TLR9: variants seen among roughly 807,000 people sequenced by gnomAD.
The protein encoded by TLR9 is toll like receptor 9.
TLR9 carries 19 observed loss-of-function variants against 24.6 expected under a neutral mutation model. The ratio of observed to expected loss-of-function variants is 0.77; its 90% CI spans 0.54 to 1.13. The LOEUF (loss-of-function observed/expected upper bound fraction) is 1.13. Among genes scored for constraint, TLR9 ranks in the 50% most tolerant of loss-of-function variants. The pLI is 0.00. For missense variants in TLR9, 1,065 were observed against 1,379.6 expected, an observed-to-expected ratio of 0.77 and a Z score of 3.61; for synonymous variants, 579 against 609.8, an observed-to-expected ratio of 0.95 and a Z score of 0.74.
In TLR9 at chr3:52,221,650, T is replaced by C; in HGVS notation, c.2666A>G (p.Asn889Ser). The change falls in exon 2 of 2, where the codon AAC becomes AGC. Residue 889 changes from asparagine to serine, a missense_variant. Transcript: ENST00000360658. The surrounding 1 kb of genome is among the most constrained non-coding windows in gnomAD (Gnocchi z 9.9). ...TQSAVADWVY[N>S]ELRGQLEECR... Reference sequence around the variant, plus strand: ...CTCCTCCAGCTGCCCCCGAAGCTCGTTGTACACCCAGTCTGCCACTGCGCT... The same window carrying C: ...CTCCTCCAGCTGCCCCCGAAGCTCGCTGTACACCCAGTCTGCCACTGCGCT... The C allele has an allele frequency of 1.9e-6, 3 of 1,613,866 alleles. No individual in the cohort carries two copies. Among genetic ancestry groups the C allele is most frequent in the Non-Finnish European group, 1.7e-6 (2 of 1,179,978 alleles).
Position 52,222,201 on chromosome 3 carries a change from C to T in TLR9, c.2115G>A (p.Arg705=), listed in dbSNP as rs202130322. 4.3e-6 allele frequency: 7 copies of T among 1,613,902 alleles called. No homozygotes were observed. The Admixed American group carries it at 1.2e-4, about 27-fold the overall frequency. The change falls in exon 2 of 2, where the codon AGG becomes AGA. Residue 705 remains arginine, a synonymous_variant. Coordinates refer to ENST00000360658, the MANE Select transcript of TLR9 (RefSeq NM_017442.4). The stretch of plus-strand genomic sequence containing the variant: ...TGATGCTGTTGCAGCTGACATCCAG[C>T]CTCCGGAGCCGGGTGCCAGCAGGCA... ...GSLPAGTRLR[R]LDVSCNSISF...
Position 52,222,744 on chromosome 3 carries a change from C to T in TLR9, c.1572G>A (p.Gln524=). The part of the protein sequence containing the change: ...GSQFLPLTGL[Q]VLDLSHNKLD... The stretch of plus-strand genomic sequence containing the variant: ...GCTTATTGTGGGACAGGTCTAGCAC[C>T]TGCAGACCGGTCAGCGGCAGGAACT... Residue 524 remains glutamine, a synonymous_variant, in exon 2 of 2, where the codon CAG becomes CAA. Transcript: ENST00000360658. The T allele has an allele frequency of 6.2e-7, 1 of 1,614,044 alleles. No individual in the cohort carries two copies. The highest frequency in any genetic ancestry group is 1.1e-5 in the South Asian group (1 of 91,090).
rs757223362 is a variant in TLR9, at chr3:52,222,019, C to T, written c.2297G>A (p.Cys766Tyr). The T allele has an allele frequency of 1.2e-6, 2 of 1,609,892 alleles. No individual in the cohort carries two copies. The highest frequency in any genetic ancestry group is 1.3e-5 in the African/African-American group (1 of 74,764). Reference protein sequence around the residue: ...DVSANPLHCACGAAFMDFLLE... With the variant: ...DVSANPLHCAYGAAFMDFLLE... ...CAGGAAGTCCATAAAGGCCGCCCCA[C>T]AGGCGCAGTGCAGAGGGTTGGCGCT... Residue 766 changes from cysteine to tyrosine, a missense_variant, in exon 2 of 2, where the codon TGT (cysteine) becomes TAT (tyrosine). Cys to Tyr is a radical substitution (Grantham distance 194, BLOSUM62 -2). Coordinates refer to ENST00000360658, the MANE Select transcript of TLR9 (RefSeq NM_017442.4).
Position 52,222,968 on chromosome 3 carries a change from G to A in TLR9, c.1348C>T (p.Pro450Ser). Residue 450 changes from proline to serine, a missense_variant, in exon 2 of 2, where the codon CCT becomes TCT. Coordinates refer to ENST00000360658, the MANE Select transcript of TLR9 (RefSeq NM_017442.4). Reference sequence around the variant, plus strand: ...ACTGGGGCCGGAGCAAGGTCCCCAGGCTGCAGCCAGACCTTCTCCCCTCCA... The same window carrying A: ...ACTGGGGCCGGAGCAAGGTCCCCAGACTGCAGCCAGACCTTCTCCCCTCCA... ...ADGGEKVWLQ[P>S]GDLAPAPVDT... The A allele has an allele frequency of 2.5e-6, 4 of 1,595,790 alleles. No individual in the cohort carries two copies. Among genetic ancestry groups the A allele is most frequent in the Non-Finnish European group, 2.6e-6 (3 of 1,168,982 alleles).
chr3:52,221,382 G>A lies in TLR9; in HGVS notation c.2934C>T (p.Ser978=), dbSNP rs1166703892. The A allele has an allele frequency of 6.3e-7, 1 of 1,590,302 alleles. No homozygotes were observed. Among genetic ancestry groups the A allele is most frequent in the African/African-American group, 1.3e-5 (1 of 74,432 alleles). The change falls in exon 2 of 2, where the codon TCC becomes TCT. Residue 978 remains serine (S), a synonymous_variant. Coordinates refer to ENST00000360658, the MANE Select transcript of TLR9 (RefSeq NM_017442.4). This position sits in a 1 kb window ranked among gnomAD's most constrained non-coding sequence, Gnocchi z 9.9. ...GGCGCTGGCGCAGCCGCACGTAGCG[G>A]GAGCGGCGGCCGTCAGGGCTCAGGA... ...LVILSPDGRR[S]RYVRLRQRLC...
Position 52,222,146 on chromosome 3 carries a change from C to G in TLR9, c.2170G>C (p.Ala724Pro). 6.2e-7 allele frequency: 1 copy of G among 1,613,234 alleles called. No homozygotes were observed. Among genetic ancestry groups the G allele is most frequent in the Non-Finnish European group, 8.5e-7 (1 of 1,179,612 alleles). ...SFVAPGFFSK[A>P]KELRELNLSA... The stretch of plus-strand genomic sequence containing the variant: ...AGGTTGAGCTCTCGCAGCTCCTTGG[C>G]CTTGGAAAAGAAGCCGGGGGCCACG... Residue 724 changes from alanine to proline, a missense_variant, in exon 2 of 2, where the codon GCC becomes CCC. Ala to Pro is a conservative substitution (Grantham distance 27, BLOSUM62 -1). Coordinates refer to ENST00000360658, the MANE Select transcript of TLR9 (RefSeq NM_017442.4).
At position 52,223,819 on chromosome 3, in the gene TLR9, A is replaced by G. The variant is rs771634375; in HGVS notation, c.497T>C (p.Leu166Pro). 6.2e-7 allele frequency: 1 copy of G among 1,607,088 alleles called. No individual in the cohort carries two copies. The highest frequency in any genetic ancestry group is 1.1e-5 in the South Asian group (1 of 90,244). ...CATGAATAGGAAGCGCAGGGCATGC[A>G]GGCCGGCGAGGCTGGCAGAGTCTAG... ...LMLDSASLAG[L>P]HALRFLFMDG... is the part of the protein sequence containing the mutation. The change falls in exon 2 of 2, where the codon CTG becomes CCG. Residue 166 changes from leucine (L) to proline (P), a missense_variant. Coordinates refer to ENST00000360658, the MANE Select transcript of TLR9 (RefSeq NM_017442.4).
intron 1 of TLR9, among the ~76,000 whole-genome samples, chr3:52,224,621 GC>G (rs1261611580): frequency 6.6e-6 from 1 of 151,990 alleles, no homozygotes; most frequent in South Asian, 2.1e-4. Flanking sequence ...GTGGCCCACG[GC>G]CCCCCCTGGT....
At position 52,221,687 on chromosome 3, in the gene TLR9, C is replaced by T. The variant is rs1395708601; in HGVS notation, c.2629G>A (p.Asp877Asn). 5 of 1,613,960 alleles carry T rather than the reference C, an allele frequency of 3.1e-6. No homozygotes were observed. Among genetic ancestry groups the T allele is most frequent in the South Asian group, 1.1e-5 (1 of 91,078 alleles). The change falls in exon 2 of 2, where the codon GAC (aspartate) becomes AAC (asparagine). Residue 877 changes from aspartate to asparagine, a missense_variant. Physicochemically the swap from Asp to Asn is conservative, Grantham distance 23 (BLOSUM62 1). Coordinates refer to ENST00000360658, the MANE Select transcript of TLR9 (RefSeq NM_017442.4). The surrounding 1 kb of genome is among the most constrained non-coding windows in gnomAD (Gnocchi z 9.9). ...TCTGCCACTGCGCTCTGCGTTTTGT[C>T]GAAGACCACGAAGGCATCGTAGGGC... The part of the protein sequence containing the change: ...ALPYDAFVVF[D>N]KTQSAVADWV...
chr3:52,222,128 G>C lies in TLR9; in HGVS notation c.2188C>G (p.Leu730Val). 1 of 1,612,484 alleles carries C rather than the reference G, an allele frequency of 6.2e-7. No homozygotes were observed. The highest frequency in any genetic ancestry group is 8.5e-7 in the Non-Finnish European group (1 of 1,179,174). Residue 730 changes from leucine (L) to valine (V), a missense_variant, in exon 2 of 2, where the codon CTC becomes GTC. Physicochemically the swap from Leu to Val is conservative, Grantham distance 32. Transcript: ENST00000360658. ...FFSKAKELRE[L>V]NLSANALKTV... The stretch of plus-strand genomic sequence containing the variant: ...TTGAGGGCGTTGGCGCTAAGGTTGA[G>C]CTCTCGCAGCTCCTTGGCCTTGGAA...
In TLR9 at chr3:52,224,210, C is replaced by T; in HGVS notation, c.106G>A (p.Glu36Lys). ...LGTLPAFLPC[E>K]LQPHGLVNCN... Reference sequence around the variant, plus strand: ...TTCACCAGGCCGTGGGGCTGGAGCTCACAGGGTAGGAAGGCAGGCAAGGTA... The same window carrying T: ...TTCACCAGGCCGTGGGGCTGGAGCTTACAGGGTAGGAAGGCAGGCAAGGTA... The change falls in exon 2 of 2, where the codon GAG becomes AAG. Residue 36 changes from glutamate (E) to lysine (K), a missense_variant. By Grantham distance (56) the Glu-to-Lys change is moderately conservative. Transcript: ENST00000360658. The T allele has an allele frequency of 6.2e-7, 1 of 1,612,396 alleles. No individual in the cohort carries two copies. Among genetic ancestry groups the T allele is most frequent in the South Asian group, 1.1e-5 (1 of 90,912 alleles).
rs1026141784 is a variant in TLR9 at position 52,223,970 on chromosome 3, G to A, written c.346C>T (p.Pro116Ser). 6.3e-7 allele frequency: 1 copy of A among 1,594,766 alleles called. No homozygotes were observed. The highest frequency in any genetic ancestry group is 8.6e-7 in the Non-Finnish European group (1 of 1,167,142). ...GTGGGCACAGCCAAGAAGGTGCTGG[G>A]CTCGATGGTCATGTGGCAGGGGAAG... ...MHFPCHMTIE[P>S]STFLAVPTLE... The change falls in exon 2 of 2, where the codon CCC (proline) becomes TCC (serine). Residue 116 changes from proline to serine, a missense_variant. Pro to Ser is a moderately conservative substitution (Grantham distance 74). Transcript: ENST00000360658.
rs770964238 is a variant in TLR9, at chr3:52,222,414, G to A, written c.1902C>T (p.Asp634=). 3 of 1,614,234 alleles carry A rather than the reference G, an allele frequency of 1.9e-6. No individual in the cohort carries two copies. In the Admixed American group the frequency reaches 5.0e-5, roughly 27 times the overall value. The stretch of plus-strand genomic sequence containing the variant: ...GGGTGTGCAGGCGGTTCTGGGACAA[G>A]TCCAGCCAGATCAAACCGCTCAGGC... The part of the protein sequence containing the change: ...FQGLSGLIWL[D]LSQNRLHTLL... The change falls in exon 2 of 2, where the codon GAC becomes GAT. Residue 634 remains aspartate, a synonymous_variant. Transcript: ENST00000360658.
rs372418469 is a variant in TLR9 at position 52,221,826 on chromosome 3, C to G, written c.2490G>C (p.Leu830=). 7 of 1,613,854 alleles carry G rather than the reference C, an allele frequency of 4.3e-6. No individual in the cohort carries two copies. The African/African-American group carries it at 9.3e-5, about 22-fold the overall frequency. ...AGAGGTGATGCAGCATGGGCACACC[C>G]AGGCCCAGAGCCACAGCCAGCAGCG... ...ALSLLAVALG[L]GVPMLHHLCG... Residue 830 remains leucine (L), a synonymous_variant, in exon 2 of 2, where the codon CTG becomes CTC. Transcript: ENST00000360658. This position sits in a 1 kb window ranked among gnomAD's most constrained non-coding sequence, Gnocchi z 9.9.
Position 52,222,505 on chromosome 3 carries a change from T to C in TLR9, c.1811A>G (p.Asp604Gly). The stretch of plus-strand genomic sequence containing the variant: ...ATGGCCCAGTGCATTGCCGCTGAAG[T>C]CCAGGGCCCGCAGCGACGTACTGCA... Reference protein sequence around the residue: ...QLCSTSLRALDFSGNALGHMW... With the variant: ...QLCSTSLRALGFSGNALGHMW... Residue 604 changes from aspartate to glycine, a missense_variant, in exon 2 of 2, where the codon GAC becomes GGC. Coordinates refer to ENST00000360658, the MANE Select transcript of TLR9 (RefSeq NM_017442.4). 1.9e-6 allele frequency: 3 copies of C among 1,614,158 alleles called. No homozygotes were observed. Among genetic ancestry groups the C allele is most frequent in the South Asian group, 1.1e-5 (1 of 91,088 alleles).
At chr3:52,224,420 A>G in intron 1 of TLR9, 108 bp from the exon 2 acceptor site, 1 of 889,332 alleles carries the variant, frequency 1.1e-6, no homozygotes. Context: ...TCCAAGCCCT[A>G]CCTGCAGAAG....
Position 52,223,701 on chromosome 3 carries a change from T to A in TLR9, c.615A>T (p.Ser205=). The A allele has an allele frequency of 1.3e-6, 2 of 1,595,602 alleles. No homozygotes were observed. The highest frequency in any genetic ancestry group is 1.7e-6 in the Non-Finnish European group (2 of 1,169,920). Residue 205 remains serine, a synonymous_variant, in exon 2 of 2, where the codon TCA becomes TCT. Coordinates refer to ENST00000360658, the MANE Select transcript of TLR9 (RefSeq NM_017442.4). ...LLGLGNLTHL[S]LKYNNLTVVP... is the part of the protein sequence containing the mutation. Reference sequence around the variant, plus strand: ...CCACAGTGAGGTTGTTGTACTTGAGTGACAGGTGGGTGAGGTTGCCCAGGC... The same window carrying A: ...CCACAGTGAGGTTGTTGTACTTGAGAGACAGGTGGGTGAGGTTGCCCAGGC...
chr3:52,225,355 A>AG (rs1323351334), intron 1 of TLR9, among the ~76,000 whole-genome samples, 172 bp downstream of exon 1: 5 of 151,954 alleles, frequency 3.3e-5, no homozygotes, highest in Admixed American at 1.3e-4. Context: ...AAAAAAAAAA[A>AG]AAAGAAAAAA....
Position 52,221,432 on chromosome 3 carries a change from G to A in TLR9, c.2884C>T (p.Arg962Cys), listed in dbSNP as rs55881257. Residue 962 changes from arginine (R) to cysteine (C), a missense_variant, in exon 2 of 2, where the codon CGC becomes TGC. Arg to Cys is a radical substitution (Grantham distance 180). Coordinates refer to ENST00000360658, the MANE Select transcript of TLR9 (RefSeq NM_017442.4). This position sits in a 1 kb window ranked among gnomAD's most constrained non-coding sequence, Gnocchi z 9.9. The stretch of plus-strand genomic sequence containing the variant: ...ATCACCAGCACCACGACGTCCTTGC[G>A]GTCCTCCAGCAGGCGCTGCTGGGCC... ...LLAQQRLLED[R>C]KDVVVLVILS... 4.2e-4 allele frequency: 669 copies of A among 1,606,220 alleles called. 21 individuals carry two copies. The South Asian group carries it at 6.2e-3, about 15-fold the overall frequency.
Sources: gnomAD v4.1 joint callset for allele counts (sites outside exome capture counted in the v4.1 genomes callset) on GRCh38, gnomAD v4.1.1 for gene constraint, Gnocchi (gnomAD v3.1) non-coding constraint, MANE v1.5 for transcripts, NCBI Gene and HGNC (gene_info 2026-07-23, HGNC 2026-07-21) for gene names.